ALDH1L2: variants seen among roughly 807,000 people sequenced by gnomAD.
ALDH1L2 encodes the protein mitochondrial 10-formyltetrahydrofolate dehydrogenase.
In ALDH1L2, 91 loss-of-function variants were observed where a neutral mutation model predicts 111.0. The observed-to-expected ratio is 0.82, with a 90% CI of 0.69 to 0.98. The LOEUF is 0.98. Among genes scored for constraint, ALDH1L2 ranks in the 50% least tolerant of loss-of-function variants. The pLI, the probability that ALDH1L2 is intolerant of heterozygous loss-of-function variation, is 0.00. For missense variants in ALDH1L2, 995 were observed against 1,126.8 expected (o/e 0.88, Z 1.67); for synonymous variants, 374 against 392.6 (o/e 0.95, Z 0.56).
intron 16 of ALDH1L2, among the ~76,000 whole-genome samples, chr12:105,040,147 A>AC (rs1491324354): frequency 6.2e-5 from 9 of 145,808 alleles, no homozygotes; most frequent in African/African-American, 2.2e-4. Context: ...AAAAAAAAAA[A>AC]AAAAACCTTA....
At chr12:105,034,167 G>C in intron 19 of ALDH1L2, 133 bp downstream of exon 19, 1 of 770,574 alleles carries the variant, frequency 1.3e-6, no homozygotes, top group Non-Finnish European at 2.0e-6. Flanking sequence ...AAAAACTAGG[G>C]ACTGATTTTT....
chr12:105,074,457 CCA>C (rs1158135903), intron 1 of ALDH1L2, among the ~76,000 whole-genome samples: 3 of 93,698 alleles, frequency 3.2e-5, no homozygotes, highest in African/African-American at 2.0e-4. Context: ...GACTCTGTCT[CCA>C]AAAAAAAAAA....
In ALDH1L2 at chr12:105,061,661, G is replaced by A. The variant is rs766587949; in HGVS notation, c.1013C>T (p.Thr338Ile). ...STGETSVVEL[T>I]AEEVKVAETI... is the part of the protein sequence containing the mutation. The stretch of plus-strand genomic sequence containing the variant: ...CTCTGCCACTTTCACCTCTTCAGCT[G>A]TCAGTTCTACCACTGACGTCTCACC... The change falls in exon 8 of 23, where the codon ACA (threonine) becomes ATA (isoleucine). Residue 338 changes from threonine to isoleucine, a missense_variant. Coordinates refer to ENST00000258494, the MANE Select transcript of ALDH1L2 (RefSeq NM_001034173.4). The A allele has an allele frequency of 1.2e-6, 2 of 1,614,040 alleles. No individual in the cohort carries two copies. Among genetic ancestry groups the A allele is most frequent in the South Asian group, 1.1e-5 (1 of 91,082 alleles).
At chr12:105,059,495 TAATC>T (rs1187114640) in intron 9 of ALDH1L2, among the ~76,000 whole-genome samples, 2 of 152,116 alleles carry the variant, frequency 1.3e-5, no homozygotes, top group African/African-American at 2.4e-5. Context: ...TCTGTAATAA[TAATC>T]ATCATAATGT....
At chr12:105,074,265 C>T in intron 1 of ALDH1L2, 1 of 305,922 alleles carries the variant, frequency 3.3e-6, no homozygotes, top group Non-Finnish European at 6.1e-6. Context: ...TGAAACCAGC[C>T]TAGCCAACAT....
chr12:105,065,727 AGTTT>A (rs1184791891), intron 5 of ALDH1L2, among the ~76,000 whole-genome samples: 4 of 139,376 alleles, frequency 2.9e-5, no homozygotes, highest in Non-Finnish European at 6.2e-5. Context: ...TTTTTTGTCT[AGTTT>A]GTTTGTGTCT....
At chr12:105,075,918 T>C (rs1332409984) in intron 1 of ALDH1L2, among the ~76,000 whole-genome samples, 2 of 152,240 alleles carry the variant, frequency 1.3e-5, no homozygotes, top group South Asian at 2.1e-4. Flanking sequence ...CCCTAGTAGC[T>C]GGGATTACAG....
At chr12:105,061,119 T>G in intron 8 of ALDH1L2, 47 bp from the exon 9 acceptor site, 3 of 1,505,514 alleles carry the variant, frequency 2.0e-6, no homozygotes, top group Non-Finnish European at 2.8e-6. Flanking sequence ...CGTAGAACAA[T>G]GTGGCAGAGA....
chr12:105,049,745 C>T, intron 13 of ALDH1L2, 163 bp downstream of exon 13: 1 of 709,090 alleles, frequency 1.4e-6, no homozygotes, highest in Non-Finnish European at 2.1e-6. Flanking sequence ...TATAAATTAC[C>T]TAGTCTCAGG....
At position 105,049,984 on chromosome 12, in the gene ALDH1L2, G is replaced by A; in HGVS notation, c.1610C>T (p.Thr537Ile). The change falls in exon 13 of 23, where the codon ACC becomes ATC. Residue 537 changes from threonine to isoleucine, a missense_variant. Thr to Ile is a moderately conservative substitution (Grantham distance 89, BLOSUM62 -1). Transcript: ENST00000258494. ...TCCAATGTGTGTCTTCAGGGCCAAG[G>A]TATAGACAGCCCCTGAATCAAGGGC... ...IEALDSGAVY[T>I]LALKTHIGMS... 6.2e-7 allele frequency: 1 copy of A among 1,612,940 alleles called. No homozygotes were observed.
At chr12:105,077,143 G>A (rs183636276) in intron 1 of ALDH1L2, among the ~76,000 whole-genome samples, 38 of 152,340 alleles carry the variant, frequency 2.5e-4, no homozygotes, top group Non-Finnish European at 4.1e-4. Context: ...AGTGACGTGG[G>A]AGACAGCACC....
chr12:105,034,077 C>G (rs555951202), intron 19 of ALDH1L2, among the ~76,000 whole-genome samples: 1 of 152,270 alleles, frequency 6.6e-6, no homozygotes, highest in South Asian at 2.1e-4. Context: ...CTACTCATTT[C>G]CTGTCCTGCG....
chr12:105,025,629 C>T (rs1268332949), intron 22 of ALDH1L2, among the ~76,000 whole-genome samples: 1 of 152,130 alleles, frequency 6.6e-6, no homozygotes, highest in Non-Finnish European at 1.5e-5. Flanking sequence ...TGGCCAAAGT[C>T]ATTAGTAAAG....
In ALDH1L2 at chr12:105,063,030, A is replaced by C. The variant is rs769059547; in HGVS notation, c.787-8T>G. ...GCCATAGAAAGTGACCATCTAGTAA[A>C]GAGATCAAACACAGATTGTAAAATC... On this transcript the variant is annotated splice_polypyrimidine_tract_variant and splice_region_variant and intron_variant, in intron 6 of 22. Transcript: ENST00000258494. The C allele has an allele frequency of 2.5e-6, 4 of 1,611,236 alleles. No individual in the cohort carries two copies. Among genetic ancestry groups the C allele is most frequent in the Non-Finnish European group, 3.4e-6 (4 of 1,179,196 alleles).
At chr12:105,050,832 G>A (rs1876212663) in intron 12 of ALDH1L2, 1 of 276,546 alleles carries the variant, frequency 3.6e-6, no homozygotes. Flanking sequence ...CATGAGAACA[G>A]CACAGGAAAG....
intron 9 of ALDH1L2, among the ~76,000 whole-genome samples, chr12:105,060,179 G>T (rs1375883392): frequency 2.0e-5 from 3 of 151,182 alleles, no homozygotes; most frequent in Admixed American, 1.3e-4. Flanking sequence ...GGGGGGCGAG[G>T]GTAGGAGAAA....
At position 105,070,591 on chromosome 12, in the gene ALDH1L2, C is replaced by T. The variant is rs1877625164; in HGVS notation, c.407G>A (p.Arg136Lys). The T allele has an allele frequency of 6.2e-7, 1 of 1,613,090 alleles. No individual in the cohort carries two copies. Among genetic ancestry groups the T allele is most frequent in the Non-Finnish European group, 8.5e-7 (1 of 1,179,408 alleles). ...IYHPSILPRH[R>K]GASAINWTLI... is the part of the protein sequence containing the mutation. ...TCACCAATTGATAGCAGAGGCTCCT[C>T]TGTGCCTGGGCAGGATGGATGGGTG... Residue 136 changes from arginine to lysine, a missense_variant, in exon 3 of 23, where the codon AGA (arginine) becomes AAA (lysine). Transcript: ENST00000258494.
Position 105,035,029 on chromosome 12 carries a change from TA to T in ALDH1L2, c.2146-632del, listed in dbSNP as rs1478059905. ...AAGAAAATCTAGATTATTCTCTTCT[TA>T]AATTTATTTTTTAGAGATAGAGTCC... On this transcript the variant is annotated intron_variant, in intron 18 of 22. Transcript: ENST00000258494. Among the ~76,000 whole-genome samples the T allele has an allele frequency of 4.6e-5, 7 of 152,106 alleles. No homozygotes were observed. In the South Asian group the frequency reaches 1.2e-3, roughly 27 times the overall value.
intron 17 of ALDH1L2, among the ~76,000 whole-genome samples, chr12:105,039,100 T>C (rs1427460877): frequency 1.3e-5 from 2 of 152,222 alleles, no homozygotes; most frequent in African/African-American, 4.8e-5. Flanking sequence ...ATATACTACC[T>C]ATTTGTGATC....
Sources: gnomAD v4.1 joint callset for allele counts (sites outside exome capture counted in the v4.1 genomes callset) on GRCh38, gnomAD v4.1.1 for gene constraint, MANE v1.5 for transcripts, NCBI Gene and HGNC (gene_info 2026-07-23, HGNC 2026-07-21) for gene names.